The following PRR14L variants were observed in gnomAD, a reference collection of about 807,000 sequenced individuals.
The protein encoded by PRR14L is proline rich 14 like.
A neutral mutation model predicts 155.0 loss-of-function variants in PRR14L; 80 were observed. That is an observed-to-expected ratio of 0.52 (90% CI 0.43 to 0.62). PRR14L has a LOEUF of 0.62. PRR14L is among the 20% of genes least tolerant of loss of function. The probability of loss-of-function intolerance (pLI) is 0.00; values close to 1 mark genes in which losing one functional copy is unlikely to be tolerated. For missense variants in PRR14L, 2,469 were observed against 2,548.0 expected (o/e 0.97, Z 0.67); for synonymous variants, 883 against 916.0 (o/e 0.96, Z 0.65).
Position 31,724,503 on chromosome 22 carries a change from G to C in PRR14L, c.547+1035C>G, listed in dbSNP as rs1383156688. Among the ~76,000 whole-genome samples the C allele has an allele frequency of 5.3e-5, 8 of 152,266 alleles. No individual in the cohort carries two copies. In the East Asian group the frequency reaches 1.5e-3, roughly 29 times the overall value. The stretch of plus-strand genomic sequence containing the variant: ...ACAGCCTCAACCTCCCAGGGCTCAA[G>C]TATCCTTCTGCCTTAGCCTCCCGAG... On this transcript the variant is annotated intron_variant, in intron 3 of 8. Coordinates refer to ENST00000327423, the MANE Select transcript of PRR14L (RefSeq NM_173566.3).
chr22:31,707,167 C>A (rs1190416857), intron 4 of PRR14L, among the ~76,000 whole-genome samples: 1 of 152,130 alleles, frequency 6.6e-6, no homozygotes, highest in African/African-American at 2.4e-5. Context: ...ACCCCCTCTA[C>A]CTTCCATTTG....
At chr22:31,749,752 C>T (rs2074862074) in intron 1 of PRR14L, among the ~76,000 whole-genome samples, 1 of 152,204 alleles carries the variant, frequency 6.6e-6, no homozygotes, top group South Asian at 2.1e-4. Context: ...GAAGAGGAGT[C>T]TCTCTCCCGC....
chr22:31,726,527 A>G (rs2074717613), intron 2 of PRR14L, among the ~76,000 whole-genome samples: 1 of 152,146 alleles, frequency 6.6e-6, no homozygotes, highest in African/African-American at 2.4e-5. Flanking sequence ...TCAGCCTTCC[A>G]AAGAGCTGGG....
chr22:31,741,537 C>T (rs557837491), intron 1 of PRR14L, among the ~76,000 whole-genome samples: 97 of 152,034 alleles, frequency 6.4e-4, no homozygotes, highest in Non-Finnish European at 7.4e-4. Context: ...AGGGGAAGAG[C>T]GAGAATCAAA....
intron 7 of PRR14L, among the ~76,000 whole-genome samples, chr22:31,698,275 T>G (rs2074545137): frequency 6.6e-6 from 1 of 152,072 alleles, no homozygotes; most frequent in Non-Finnish European, 1.5e-5. Flanking sequence ...TATACCCGCC[T>G]TGGCCTCCCA....
chr22:31,729,881 G>A (rs1027677036), intron 2 of PRR14L, among the ~76,000 whole-genome samples: 6 of 152,076 alleles, frequency 3.9e-5, no homozygotes, highest in African/African-American at 1.4e-4. Context: ...TGACTGAACT[G>A]CATATTTTTG....
chr22:31,707,665 G>A (rs987826587), intron 4 of PRR14L, among the ~76,000 whole-genome samples: 2 of 151,996 alleles, frequency 1.3e-5, no homozygotes, highest in African/African-American at 2.4e-5. Context: ...GATTACAGGC[G>A]TGAGCCACTG....
rs1197356416 is a variant in PRR14L, at chr22:31,750,008, G to C, written c.-67C>G. The C allele has an allele frequency of 6.5e-6, 1 of 153,324 alleles. No homozygotes were observed. The highest frequency in any genetic ancestry group is 1.4e-5 in the Non-Finnish European group (1 of 69,014). 9.5% of individuals were successfully genotyped at this position (153,324 alleles called of 1,614,324 possible). ...GGCCTCTTACCCTGAGACCTCCTCC[G>C]CGGCCCGCGCTTGCCCAGCCAGCTC... On this transcript the variant is annotated 5_prime_UTR_variant, in exon 1 of 9. Transcript: ENST00000327423.
At chr22:31,707,048 T>C (rs2074596126) in intron 4 of PRR14L, among the ~76,000 whole-genome samples, 1 of 149,376 alleles carries the variant, frequency 6.7e-6, no homozygotes, top group African/African-American at 2.5e-5. Flanking sequence ...AAACTCTGTC[T>C]CAAAAAAAAA....
In PRR14L at chr22:31,712,359, C is replaced by T. The variant is rs116362217; in HGVS notation, c.5480G>A (p.Cys1827Tyr). 3.0e-3 allele frequency: 4,801 copies of T among 1,613,396 alleles called. 120 individuals are homozygous for T. In the African/African-American group the frequency reaches 0.054, roughly 18 times the overall value. ...VLGLHTLLAL[C>Y]SPGCYRIWTK... ...CCAGATTCGGTAACATCCTGGGGAA[C>T]AAAGTGCTAGAAGTGTGTGAAGGCC... Residue 1827 changes from cysteine to tyrosine, a missense_variant, in exon 4 of 9, where the codon TGT (cysteine) becomes TAT (tyrosine). Physicochemically the swap from Cys to Tyr is radical, Grantham distance 194. This residue lies in a region of PRR14L where 2,363 missense variants were observed against 2,371.6 expected (regional missense o/e 1.00). Coordinates refer to ENST00000327423, the MANE Select transcript of PRR14L (RefSeq NM_173566.3).
intron 1 of PRR14L, among the ~76,000 whole-genome samples, chr22:31,749,039 T>C (rs1318412620): frequency 1.3e-5 from 2 of 152,152 alleles, no homozygotes; most frequent in African/African-American, 4.8e-5. Context: ...GTGCAAGATA[T>C]TAGTTTTCTT....
chr22:31,687,913 C>T (rs1326132922), intron 8 of PRR14L, among the ~76,000 whole-genome samples: 2 of 151,484 alleles, frequency 1.3e-5, no homozygotes, highest in Admixed American at 6.6e-5. Context: ...CGCCTGTAGT[C>T]CCAGCTACTC....
intron 3 of PRR14L, among the ~76,000 whole-genome samples, chr22:31,720,646 A>G (rs2074684749): frequency 6.6e-6 from 1 of 152,202 alleles, no homozygotes; most frequent in African/African-American, 2.4e-5. Flanking sequence ...GAGGCAGGAC[A>G]ATCGCTTGAG....
chr22:31,728,711 T>A (rs921292658), intron 2 of PRR14L, among the ~76,000 whole-genome samples: 2 of 126,442 alleles, frequency 1.6e-5, no homozygotes, highest in Non-Finnish European at 3.3e-5. Flanking sequence ...GTAGACTCCA[T>A]CTCAAAAAAA....
chr22:31,696,058 T>C (rs1681194671), intron 7 of PRR14L, among the ~76,000 whole-genome samples: 1 of 152,122 alleles, frequency 6.6e-6, no homozygotes, highest in Admixed American at 6.6e-5. Context: ...TTAGTGTACC[T>C]AAAAACTTTC....
chr22:31,749,549 T>C (rs1167791451), intron 1 of PRR14L, among the ~76,000 whole-genome samples: 1 of 152,116 alleles, frequency 6.6e-6, no homozygotes, highest in Admixed American at 6.5e-5. Context: ...CTGACCAAAG[T>C]TGGGGGAAAG....
Position 31,716,608 on chromosome 22 carries a change from C to T in PRR14L, c.1231G>A (p.Gly411Arg). ...RLLIPRSERG[G>R]PFLFNAREPE... Reference sequence around the variant, plus strand: ...TCCCTGGCATTAAAAAGAAAAGGTCCACCTCTTTCACTCCTAGGAATCAAA... The same window carrying T: ...TCCCTGGCATTAAAAAGAAAAGGTCTACCTCTTTCACTCCTAGGAATCAAA... Residue 411 changes from glycine (G) to arginine (R), a missense_variant, in exon 4 of 9, where the codon GGA becomes AGA. By Grantham distance (125) the Gly-to-Arg change is moderately radical. Around this residue, in one of 2 missense-constraint regions of PRR14L, gnomAD observed 2,363 missense variants for 2,371.6 expected, o/e 1.00. Coordinates refer to ENST00000327423, the MANE Select transcript of PRR14L (RefSeq NM_173566.3). 6.4e-7 allele frequency: 1 copy of T among 1,551,544 alleles called. No homozygotes were observed.
At chr22:31,708,146 T>A (rs576635365) in intron 4 of PRR14L, among the ~76,000 whole-genome samples, 46 of 150,592 alleles carry the variant, frequency 3.1e-4, no homozygotes, top group Non-Finnish European at 5.5e-4. Flanking sequence ...TGAAACTCCA[T>A]CTCAGGAAAA....
At chr22:31,735,575 G>T in intron 2 of PRR14L, among the ~76,000 whole-genome samples, 2 of 150,462 alleles carry the variant, frequency 1.3e-5, no homozygotes, top group Admixed American at 6.6e-5. Context: ...TGTGTATTAC[G>T]CATGCTTTTA....
Sources: allele counts gnomAD v4.1 joint callset (sites outside exome capture counted in the v4.1 genomes callset), GRCh38; gene constraint gnomAD v4.1.1; regional missense constraint gnomAD v4.1.1; transcripts MANE v1.5; gene names NCBI Gene and HGNC (gene_info 2026-07-23, HGNC 2026-07-21).